The following CCDC90B variants were observed in gnomAD, a reference collection of about 807,000 sequenced individuals.
The protein encoded by CCDC90B is coiled-coil domain-containing protein 90B, mitochondrial.
Under a neutral mutation model 37.0 loss-of-function variants are expected in CCDC90B, and 24 were observed. The observed-to-expected ratio is 0.65, with a 90% CI of 0.47 to 0.91. The LOEUF is 0.91. CCDC90B is among the 40% of genes least tolerant of loss of function. The probability of loss-of-function intolerance (pLI) is 0.00; values close to 1 mark genes in which losing one functional copy is unlikely to be tolerated. For missense variants in CCDC90B, 319 were observed against 299.0 expected (o/e 1.07, Z -0.49); for synonymous variants, 113 against 101.1 (o/e 1.12, Z -0.71).
chr11:83,261,956 A>G lies in CCDC90B; in HGVS notation c.720T>C (p.Phe240=). ...ETIRYLAASV[F]TCLAIALGFY... ...ATCCCAATGCTATTGCCAGGCAAGT[A>G]AACACCGAAGCTGTGAAAAGAAGAA... Residue 240 remains phenylalanine (F), a synonymous_variant, in exon 9 of 9, where the codon TTT becomes TTC. Transcript: ENST00000529689. 6.3e-7 allele frequency: 1 copy of G among 1,599,422 alleles called. No individual in the cohort carries two copies. Among genetic ancestry groups the G allele is most frequent in the Non-Finnish European group, 8.5e-7 (1 of 1,171,728 alleles).
chr11:83,275,535 AAT>A (rs1189711721), intron 3 of CCDC90B, among the ~76,000 whole-genome samples: 282 of 146,188 alleles, frequency 1.9e-3, no homozygotes, highest in African/African-American at 6.0e-3. Flanking sequence ...AAAAAAAAAA[AAT>A]TTGAAATCTG....
intron 3 of CCDC90B, among the ~76,000 whole-genome samples, chr11:83,278,173 G>A (rs1362618379): frequency 6.6e-6 from 1 of 152,110 alleles, no homozygotes; most frequent in African/African-American, 2.4e-5. Flanking sequence ...TACTTTTCAA[G>A]GTTATTAGAG....
intron 8 of CCDC90B, among the ~76,000 whole-genome samples, chr11:83,265,218 A>T (rs1864181008): frequency 2.0e-5 from 3 of 152,176 alleles, no homozygotes; most frequent in Admixed American, 6.5e-5. Context: ...GTCAGGTCAG[A>T]TGGTACTTGA....
chr11:83,273,856 G>A lies in CCDC90B; in HGVS notation c.477C>T (p.Thr159=). ...GTTTATTATCTGCTCTGATTCGACT[G>A]GTTTCATGCTTTAAAGAAAGCAAAG... is the stretch of plus-strand genomic sequence containing the variant. ...DQVKQQLMHE[T]SRIRADNKLD... The change falls in exon 6 of 9, where the codon ACC becomes ACT. Residue 159 remains threonine (T), a synonymous_variant. Transcript: ENST00000529689. 1 of 1,608,596 alleles carries A rather than the reference G, an allele frequency of 6.2e-7. No individual in the cohort carries two copies.
intron 8 of CCDC90B, among the ~76,000 whole-genome samples, chr11:83,263,262 CTT>C (rs1864038127): frequency 6.6e-6 from 1 of 152,146 alleles, no homozygotes. Flanking sequence ...CAAATGAACA[CTT>C]ATTGTGAGGT....
chr11:83,267,045 A>T (rs963390810), intron 7 of CCDC90B: 21 of 152,284 alleles, frequency 1.4e-4, no homozygotes, highest in African/African-American at 4.8e-4. Flanking sequence ...AAAACTAACA[A>T]ACAGAAAGGA....
At chr11:83,269,048 G>A (rs1241030354) in intron 7 of CCDC90B, among the ~76,000 whole-genome samples, 1 of 152,134 alleles carries the variant, frequency 6.6e-6, no homozygotes, top group African/African-American at 2.4e-5. Context: ...CAGAAATAAA[G>A]ATGTTCTTTG....
intron 8 of CCDC90B, 109 bp from the exon 9 acceptor site, chr11:83,262,075 C>T: frequency 1.4e-6 from 1 of 691,908 alleles, no homozygotes; most frequent in Non-Finnish European, 2.4e-6. Context: ...GAAATCCAAC[C>T]AATTTTCTAT....
chr11:83,273,439 T>G, intron 7 of CCDC90B: 1 of 374,486 alleles, frequency 2.7e-6, no homozygotes, highest in East Asian at 3.9e-5. Flanking sequence ...GAAATCTTGA[T>G]TCTTACTTCA....
At position 83,280,211 on chromosome 11, in the gene CCDC90B, A is replaced by G; in HGVS notation, c.150T>C (p.Asp50=). ...TKEGYDRRPV[D]ITPLEQRKLT... is the part of the protein sequence containing the mutation. ...ATTTCCTTTGTTCTAAAGGAGTTAT[A>G]TCCACTGGCCGCCTATCATATCCCT... Residue 50 remains aspartate, a synonymous_variant, in exon 2 of 9, where the codon GAT becomes GAC. Transcript: ENST00000529689. The G allele has an allele frequency of 1.2e-6, 2 of 1,613,446 alleles. No homozygotes were observed. Among genetic ancestry groups the G allele is most frequent in the Non-Finnish European group, 1.7e-6 (2 of 1,179,690 alleles).
rs139447068 is a variant in CCDC90B at position 83,270,741 on chromosome 11, A to T, written c.594+2906T>A. Among the ~76,000 whole-genome samples, 222 of 151,918 alleles carry T rather than the reference A, an allele frequency of 1.5e-3. 1 individual carries two copies. The highest frequency in any genetic ancestry group is 2.6e-3 in the Non-Finnish European group (179 of 67,816). ...ATACTGCCATCCCCATCAAGCTACC[A>T]ATGACTTTCTTCACAGAATTGGAAA... On this transcript the variant is annotated intron_variant, in intron 7 of 8. Coordinates refer to ENST00000529689, the MANE Select transcript of CCDC90B (RefSeq NM_021825.5).
intron 8 of CCDC90B, among the ~76,000 whole-genome samples, chr11:83,263,520 A>G (rs1864057330): frequency 6.6e-6 from 1 of 152,226 alleles, no homozygotes; most frequent in Non-Finnish European, 1.5e-5. Context: ...AGCACTCTGT[A>G]AACATTAGCT....
At chr11:83,284,986 T>G in intron 1 of CCDC90B, 1 of 375,504 alleles carries the variant, frequency 2.7e-6, no homozygotes, top group Non-Finnish European at 4.2e-6. Context: ...ATCTCACAGA[T>G]GGAGGATCAA....
intron 7 of CCDC90B, among the ~76,000 whole-genome samples, chr11:83,271,232 A>C (rs1281772065): frequency 1.3e-5 from 2 of 152,248 alleles, no homozygotes; most frequent in Non-Finnish European, 2.9e-5. Flanking sequence ...TTCATGACTA[A>C]AACACCAAAA....
intron 3 of CCDC90B, 77 bp from the exon 4 acceptor site, chr11:83,274,817 T>G: frequency 1.1e-6 from 1 of 914,080 alleles, no homozygotes. Context: ...TTCATGAAAT[T>G]TAAATGAATT....
At chr11:83,272,191 T>C (rs1404463535) in intron 7 of CCDC90B, among the ~76,000 whole-genome samples, 1 of 152,182 alleles carries the variant, frequency 6.6e-6, no homozygotes, top group Non-Finnish European at 1.5e-5. Context: ...ATGGTACATG[T>C]ATACCTATGT....
chr11:83,277,505 G>C (rs1362488281), intron 3 of CCDC90B, among the ~76,000 whole-genome samples: 1 of 151,354 alleles, frequency 6.6e-6, no homozygotes, highest in Non-Finnish European at 1.5e-5. Context: ...TTCTTTTTTT[G>C]AGATGGAGTC....
At chr11:83,265,783 TC>T in intron 8 of CCDC90B, 81 bp downstream of exon 8, 2 of 824,336 alleles carry the variant, frequency 2.4e-6, no homozygotes, top group Admixed American at 4.7e-5. Flanking sequence ...CTCCTTTTTT[TC>T]CTGTGCCTGC....
intron 1 of CCDC90B, among the ~76,000 whole-genome samples, chr11:83,283,737 G>A (rs564583477): frequency 2.6e-5 from 4 of 152,168 alleles, no homozygotes; most frequent in Non-Finnish European, 5.9e-5. Flanking sequence ...CAAGGCAGGC[G>A]GATTGCTTGA....
Sources: gnomAD v4.1 joint callset for allele counts (sites outside exome capture counted in the v4.1 genomes callset) on GRCh38, gnomAD v4.1.1 for gene constraint, MANE v1.5 for transcripts, NCBI Gene and HGNC (gene_info 2026-07-23, HGNC 2026-07-21) for gene names.